TRAF3IP2: variants seen among roughly 807,000 people sequenced by gnomAD.
TRAF3IP2 encodes E3 ubiquitin ligase TRAF3IP2.
In TRAF3IP2, 35 loss-of-function variants were observed where a neutral mutation model predicts 57.9. The ratio of observed to expected loss-of-function variants is 0.60; its 90% CI spans 0.46 to 0.80. The LOEUF is 0.80. TRAF3IP2 is among the 30% of genes least tolerant of loss of function. TRAF3IP2 has a pLI of 0.00. For missense variants in TRAF3IP2, 556 were observed against 706.4 expected (o/e 0.79, Z 2.41); for synonymous variants, 251 against 268.9 (o/e 0.93, Z 0.65).
intron 2 of TRAF3IP2, among the ~76,000 whole-genome samples, chr6:111,581,903 G>C (rs1796175523): frequency 6.6e-6 from 1 of 152,148 alleles, no homozygotes; most frequent in Non-Finnish European, 1.5e-5. Flanking sequence ...CCTTGAACTT[G>C]GGAGGCAGAG....
intron 2 of TRAF3IP2, among the ~76,000 whole-genome samples, chr6:111,587,692 T>C (rs184183353): frequency 1.3e-5 from 2 of 152,322 alleles, no homozygotes; most frequent in Admixed American, 6.5e-5. Context: ...TATAAACCTA[T>C]ATAGTTTTTA....
At chr6:111,594,524 T>A in intron 1 of TRAF3IP2, 1 of 452,946 alleles carries the variant, frequency 2.2e-6, no homozygotes. Context: ...AGGAGCCATC[T>A]GGGGGCTTGG....
chr6:111,601,358 T>G (rs78574151), intron 1 of TRAF3IP2: 2 of 530,612 alleles, frequency 3.8e-6, no homozygotes, highest in East Asian at 5.8e-5. Context: ...CTCATTAAAT[T>G]TTAATCATTA....
intron 1 of TRAF3IP2, chr6:111,601,107 G>A: frequency 1.5e-6 from 1 of 683,070 alleles, no homozygotes; most frequent in Non-Finnish European, 2.8e-6. Flanking sequence ...AGCACTGACT[G>A]GTTCAGCTAT....
Position 111,567,188 on chromosome 6 carries a change from A to T in TRAF3IP2, c.1359+436T>A, listed in dbSNP as rs1054853321. 5.0e-6 allele frequency: 5 copies of T among 1,003,208 alleles called. No homozygotes were observed. In the Admixed American group the frequency reaches 1.6e-4, roughly 33 times the overall value. The allele number at this position is 1,003,208 out of a possible 1,614,324, so 62.1% of individuals were successfully genotyped here. On this transcript the variant is annotated intron_variant, in intron 6 of 8. Coordinates refer to ENST00000368761, the MANE Select transcript of TRAF3IP2 (RefSeq NM_147686.4). ...GCCGGTATAGATTCTGTCAGTGGAG[A>T]ACAAATCACGGGGCTGCACGTGGGC...
At position 111,591,737 on chromosome 6, in the gene TRAF3IP2, G is replaced by A. The variant is rs893763256; in HGVS notation, c.350C>T (p.Ala117Val). The A allele has an allele frequency of 5.0e-6, 8 of 1,614,086 alleles. No individual in the cohort carries two copies. The highest frequency in any genetic ancestry group is 2.7e-5 in the African/African-American group (2 of 74,932). ...GAGGGCTCCAACCACAGACTCAGAC[G>A]CAGGCTCGCTGACTGCAGAGCACCC... ...PSGCSAVSEP[A>V]SESVVGALPA... Residue 117 changes from alanine to valine, a missense_variant, in exon 2 of 9, where the codon GCG (alanine) becomes GTG (valine). Physicochemically the swap from Ala to Val is moderately conservative, Grantham distance 64. This residue lies in a region of TRAF3IP2 where 428 missense variants were observed against 498.7 expected (regional missense o/e 0.86). Coordinates refer to ENST00000368761, the MANE Select transcript of TRAF3IP2 (RefSeq NM_147686.4). This position sits in a 1 kb window ranked among gnomAD's most constrained non-coding sequence, Gnocchi z 4.9.
At chr6:111,595,793 A>C (rs1444606148) in intron 1 of TRAF3IP2, among the ~76,000 whole-genome samples, 1 of 149,614 alleles carries the variant, frequency 6.7e-6, no homozygotes, top group Non-Finnish European at 1.5e-5. Context: ...GTGCCACTGC[A>C]CTCCAGCCTG....
Position 111,567,632 on chromosome 6 carries a change from G to A in TRAF3IP2, c.1351C>T (p.Leu451Phe). 6.2e-7 allele frequency: 1 copy of A among 1,609,928 alleles called. No homozygotes were observed. Among genetic ancestry groups the A allele is most frequent in the Non-Finnish European group, 8.5e-7 (1 of 1,178,372 alleles). Residue 451 changes from leucine (L) to phenylalanine (F), a missense_variant, in exon 6 of 9, where the codon CTT (leucine) becomes TTT (phenylalanine). By Grantham distance (22) the Leu-to-Phe change is conservative (BLOSUM62 0). Transcript: ENST00000368761. Reference protein sequence around the residue: ...IDIIKWMERYLRDKTVMIIVA... With the variant: ...IDIIKWMERYFRDKTVMIIVA... Reference sequence around the variant, plus strand: ...TTTTGGAATGTACTTACATCCCTAAGGTAGCGCTCCATCCATTTAATGATA... The same window carrying A: ...TTTTGGAATGTACTTACATCCCTAAAGTAGCGCTCCATCCATTTAATGATA...
intron 1 of TRAF3IP2, among the ~76,000 whole-genome samples, chr6:111,596,137 A>G (rs776580534): frequency 1.3e-5 from 2 of 151,622 alleles, no homozygotes; most frequent in Non-Finnish European, 2.9e-5. Flanking sequence ...TCTCATTCCC[A>G]TCTCCCTTCC....
chr6:111,580,305 C>G lies in TRAF3IP2; in HGVS notation c.914G>C (p.Arg305Thr). The G allele has an allele frequency of 6.2e-7, 1 of 1,609,106 alleles. No individual in the cohort carries two copies. The highest frequency in any genetic ancestry group is 8.5e-7 in the Non-Finnish European group (1 of 1,178,600). The part of the protein sequence containing the change: ...PGQPLPGASV[R>T]GLHPVQKVIL... ...AACCTTCTGCACAGGGTGCAGGCCT[C>G]TCACACTGGCTCCAGGCAGGGGCTG... Residue 305 changes from arginine (R) to threonine (T), a missense_variant, in exon 3 of 9, where the codon AGA becomes ACA. Arg to Thr is a moderately conservative substitution (Grantham distance 71). This residue lies in a region of TRAF3IP2 where 428 missense variants were observed against 498.7 expected (regional missense o/e 0.86). Transcript: ENST00000368761.
intron 6 of TRAF3IP2, chr6:111,567,165 C>T (rs540597473): frequency 5.0e-6 from 5 of 999,878 alleles, no homozygotes; most frequent in South Asian, 8.7e-5. Flanking sequence ...TCCCAGTGGC[C>T]GGTATAGATT....
In TRAF3IP2 at chr6:111,591,455, T is replaced by C; in HGVS notation, c.632A>G (p.Gln211Arg). 6.3e-7 allele frequency: 1 copy of C among 1,591,720 alleles called. No homozygotes were observed. Among genetic ancestry groups the C allele is most frequent in the South Asian group, 1.1e-5 (1 of 88,124 alleles). Residue 211 changes from glutamine to arginine, a missense_variant, in exon 2 of 9, where the codon CAG becomes CGG. By Grantham distance (43) the Gln-to-Arg change is conservative (BLOSUM62 1). Coordinates refer to ENST00000368761, the MANE Select transcript of TRAF3IP2 (RefSeq NM_147686.4). The surrounding 1 kb of genome is among the most constrained non-coding windows in gnomAD (Gnocchi z 4.9). ...GGTGAGGGGCAGGGGCCTTTCCAGC[T>C]GCCTGATGCCCAGGACATCCTGGGG... ...SQPQDVLGIR[Q>R]LERPLPLTSV...
intron 5 of TRAF3IP2, among the ~76,000 whole-genome samples, chr6:111,569,597 CA>C (rs896487493): frequency 2.0e-5 from 3 of 150,666 alleles, no homozygotes; most frequent in East Asian, 1.9e-4. Context: ...ACTAAAAATA[CA>C]AAAAAAAATT....
intron 1 of TRAF3IP2, 38 bp from the exon 2 acceptor site, chr6:111,592,132 A>G (rs1324727515): frequency 6.4e-7 from 1 of 1,556,602 alleles, no homozygotes; most frequent in East Asian, 2.2e-5. Flanking sequence ...CTTAGAAGAC[A>G]GATAAATTCT....
chr6:111,593,377 C>T (rs890355937), intron 1 of TRAF3IP2, among the ~76,000 whole-genome samples: 6 of 152,224 alleles, frequency 3.9e-5, no homozygotes, highest in African/African-American at 1.2e-4. Context: ...AAACAAGTTT[C>T]GGAGAGCATG....
chr6:111,594,424 C>T, intron 1 of TRAF3IP2: 1 of 408,470 alleles, frequency 2.4e-6, no homozygotes, highest in Non-Finnish European at 4.8e-6. Flanking sequence ...ACAACTATTT[C>T]CATTCTCACT....
intron 5 of TRAF3IP2, among the ~76,000 whole-genome samples, chr6:111,571,615 T>G (rs1795834564): frequency 6.6e-6 from 1 of 152,200 alleles, no homozygotes; most frequent in South Asian, 2.1e-4. Context: ...AAAAAAGAAC[T>G]TTCATTTTCA....
chr6:111,594,240 G>A (rs111478912), intron 1 of TRAF3IP2, among the ~76,000 whole-genome samples: 38 of 151,804 alleles, frequency 2.5e-4, no homozygotes, highest in African/African-American at 8.0e-4. Flanking sequence ...GTCAGAAAAC[G>A]AAAATATTTT....
intron 1 of TRAF3IP2, chr6:111,594,572 A>G (rs1187403546): frequency 1.4e-5 from 6 of 435,412 alleles, no homozygotes; most frequent in African/African-American, 1.0e-4. Context: ...CAGTCATCTC[A>G]CATAAACTGG....
Sources: allele counts gnomAD v4.1 joint callset (sites outside exome capture counted in the v4.1 genomes callset), GRCh38; gene constraint gnomAD v4.1.1; regional missense constraint gnomAD v4.1.1; non-coding constraint Gnocchi (gnomAD v3.1); transcripts MANE v1.5; gene names NCBI Gene and HGNC (gene_info 2026-07-23, HGNC 2026-07-21).